The following NKAIN1 variants were observed in gnomAD, a reference collection of about 807,000 sequenced individuals.
NKAIN1 encodes sodium/potassium-transporting ATPase subunit beta-1-interacting protein 1.
In NKAIN1, 13 loss-of-function variants were observed where a neutral mutation model predicts 31.6. The ratio of observed to expected loss-of-function variants is 0.41; its 90% confidence interval spans 0.27 to 0.65. The LOEUF is 0.65. NKAIN1 is among the 30% of genes least tolerant of loss of function. NKAIN1 has a pLI of 0.30. For missense variants in NKAIN1, 193 were observed against 262.2 expected (o/e 0.74, Z 1.82); for synonymous variants, 104 against 109.0 (o/e 0.95, Z 0.28).
intron 3 of NKAIN1, among the ~76,000 whole-genome samples, chr1:31,184,433 T>G (rs1645227287): frequency 6.6e-6 from 1 of 152,144 alleles, no homozygotes; most frequent in South Asian, 2.1e-4. Context: ...ACCCAGGGTG[T>G]GTACCCATGT....
rs149457081 is a variant in NKAIN1 at position 31,215,536 on chromosome 1, T to G, written c.54+23958A>C. Among the ~76,000 whole-genome samples, 604 of 152,288 alleles carry G rather than the reference T, an allele frequency of 4.0e-3. 5 individuals are homozygous for G. Among genetic ancestry groups the G allele is most frequent in the African/African-American group, 0.013 (543 of 41,552 alleles). On this transcript the variant is annotated intron_variant, in intron 1 of 6. Coordinates refer to ENST00000373736, the MANE Select transcript of NKAIN1 (RefSeq NM_024522.3). ...TCAGTCTGGTGTCCTTCCCTGGCAC[T>G]GAACTACTCATTCCTATGCTGAAGC...
intron 1 of NKAIN1, among the ~76,000 whole-genome samples, chr1:31,221,480 G>A (rs1000742643): frequency 6.6e-6 from 1 of 152,170 alleles, no homozygotes. Context: ...TCTGTCGCCA[G>A]GCTGGAGTGC....
At chr1:31,193,246 A>T (rs1645299989) in intron 1 of NKAIN1, among the ~76,000 whole-genome samples, 3 of 150,184 alleles carry the variant, frequency 2.0e-5, no homozygotes, top group Admixed American at 1.3e-4. Context: ...TTTTTTGTAC[A>T]TTTAGTAGAG....
chr1:31,228,386 C>T (rs1645623504), intron 1 of NKAIN1, among the ~76,000 whole-genome samples: 1 of 152,104 alleles, frequency 6.6e-6, no homozygotes, highest in Non-Finnish European at 1.5e-5. Flanking sequence ...ACTGCCTGTA[C>T]CATGAGCTCA....
chr1:31,206,237 A>AAAAT (rs370910970), intron 1 of NKAIN1, among the ~76,000 whole-genome samples: 4 of 130,812 alleles, frequency 3.1e-5, no homozygotes, highest in Non-Finnish European at 4.9e-5. Flanking sequence ...CTCCATCTCA[A>AAAAT]AAATAAATAA....
chr1:31,191,226 G>A (rs1333566800), intron 1 of NKAIN1, among the ~76,000 whole-genome samples: 2 of 151,870 alleles, frequency 1.3e-5, no homozygotes, highest in African/African-American at 4.8e-5. Flanking sequence ...GGGAGGCAGA[G>A]GCTGCAGTGA....
At chr1:31,237,122 G>GC (rs1173983444) in intron 1 of NKAIN1, among the ~76,000 whole-genome samples, 1 of 152,094 alleles carries the variant, frequency 6.6e-6, no homozygotes, top group African/African-American at 2.4e-5. Flanking sequence ...ATGGTGGTGT[G>GC]CCCCCGTAGT....
At chr1:31,202,992 G>T (rs1018725140) in intron 1 of NKAIN1, among the ~76,000 whole-genome samples, 13 of 44,160 alleles carry the variant, frequency 2.9e-4, no homozygotes, top group Non-Finnish European at 6.0e-4. Context: ...AAAAAAAAAA[G>T]GCCAGGGGCA....
At chr1:31,199,650 A>C (rs542949688) in intron 1 of NKAIN1, among the ~76,000 whole-genome samples, 2 of 152,276 alleles carry the variant, frequency 1.3e-5, no homozygotes, top group African/African-American at 4.8e-5. Flanking sequence ...CCGGGGGTCC[A>C]TCTGGGGTCA....
chr1:31,232,283 G>A (rs1241223324), intron 1 of NKAIN1, among the ~76,000 whole-genome samples: 1 of 147,242 alleles, frequency 6.8e-6, no homozygotes, highest in African/African-American at 2.5e-5. Flanking sequence ...TAGAGACAGG[G>A]TTTCACCATG....
Position 31,182,515 on chromosome 1 carries a change from G to A in NKAIN1, c.532+15C>T. 6.2e-7 allele frequency: 1 copy of A among 1,613,970 alleles called. No homozygotes were observed. The highest frequency in any genetic ancestry group is 8.5e-7 in the Non-Finnish European group (1 of 1,179,874). On this transcript the variant is annotated intron_variant, in intron 5 of 6. Transcript: ENST00000373736. ...AGGGCCAGATTCCCCACTTCCCCAG[G>A]GGCGCCTTACTCACAGCTGTCCTCC...
intron 1 of NKAIN1, among the ~76,000 whole-genome samples, chr1:31,235,025 C>T (rs752660189): frequency 2.6e-5 from 4 of 152,170 alleles, no homozygotes; most frequent in African/African-American, 7.2e-5. Context: ...AAAGAGCTAA[C>T]GTTTATTGAT....
At chr1:31,213,042 G>GTTTT (rs34522940) in intron 1 of NKAIN1, among the ~76,000 whole-genome samples, 1 of 135,634 alleles carries the variant, frequency 7.4e-6, no homozygotes, top group African/African-American at 2.7e-5. Flanking sequence ...TTTTTCTTTT[G>GTTTT]TTTTTTTTTT....
In NKAIN1 at chr1:31,190,807, C is replaced by T. The variant is rs117018706; in HGVS notation, c.55-2620G>A. On this transcript the variant is annotated intron_variant, in intron 1 of 6. Transcript: ENST00000373736. Reference sequence around the variant, plus strand: ...TGCTGCTCCTATCCCACACTTCCTCCACTCCACTCTTCCTCCTTCCACCCT... The same window carrying T: ...TGCTGCTCCTATCCCACACTTCCTCTACTCCACTCTTCCTCCTTCCACCCT... 2.4e-4 allele frequency among the ~76,000 whole-genome samples: 37 copies of T among 152,296 alleles called. No homozygotes were observed. In the East Asian group the frequency reaches 6.8e-3, roughly 28 times the overall value.
intron 1 of NKAIN1, among the ~76,000 whole-genome samples, chr1:31,222,024 G>T (rs969033051): frequency 6.6e-6 from 1 of 151,952 alleles, no homozygotes; most frequent in African/African-American, 2.4e-5. Context: ...AATTACAGGC[G>T]CCCACCACCA....
chr1:31,202,098 C>T (rs1018789256), intron 1 of NKAIN1, among the ~76,000 whole-genome samples: 4 of 152,158 alleles, frequency 2.6e-5, no homozygotes, highest in African/African-American at 9.7e-5. Flanking sequence ...ACTGATTGGG[C>T]CAGCCCTGGT....
chr1:31,194,468 G>A (rs1475270045), intron 1 of NKAIN1, among the ~76,000 whole-genome samples: 14 of 136,742 alleles, frequency 1.0e-4, no homozygotes, highest in African/African-American at 3.9e-4. Flanking sequence ...GTGCAATGGC[G>A]TGATCTCGGC....
At chr1:31,224,285 A>C (rs1304444328) in intron 1 of NKAIN1, among the ~76,000 whole-genome samples, 1 of 152,234 alleles carries the variant, frequency 6.6e-6, no homozygotes, top group Non-Finnish European at 1.5e-5. Flanking sequence ...CAAGGAGTTC[A>C]GAGTTCATGA....
intron 1 of NKAIN1, among the ~76,000 whole-genome samples, chr1:31,218,187 C>T (rs532369450): frequency 1.3e-5 from 2 of 151,766 alleles, no homozygotes; most frequent in Non-Finnish European, 2.9e-5. Flanking sequence ...CTCAGCCTCC[C>T]GGGTAGCTGG....
Sources: gnomAD v4.1 joint callset for allele counts (sites outside exome capture counted in the v4.1 genomes callset) on GRCh38, gnomAD v4.1.1 for gene constraint, MANE v1.5 for transcripts, NCBI Gene and HGNC (gene_info 2026-07-23, HGNC 2026-07-21) for gene names.